Variants in ANKRD26 observed in about 807,000 individuals in gnomAD.
ANKRD26 encodes ankyrin repeat domain 26, also known as ankyrin repeat domain-containing protein 26.
A neutral mutation model predicts 208.7 loss-of-function variants in ANKRD26; 141 were observed. The ratio of observed to expected loss-of-function variants is 0.68; its 90% confidence interval spans 0.59 to 0.78. ANKRD26 has a LOEUF of 0.78. Among genes scored for constraint, ANKRD26 ranks in the 30% least tolerant of loss-of-function variants. ANKRD26 has a pLI of 0.00. For missense variants in ANKRD26, 1,889 were observed against 1,938.7 expected (o/e 0.97, Z 0.48); for synonymous variants, 636 against 660.4 (o/e 0.96, Z 0.57).
chr10:26,979,892 T>A (rs2052281948), intron 5 of ANKRD26, among the ~76,000 whole-genome samples: 2 of 151,674 alleles, frequency 1.3e-5, no homozygotes, highest in Non-Finnish European at 2.9e-5. Context: ...GAGAAGTTAA[T>A]TGCTTTAACT....
chr10:26,952,718 A>G, the ANKRD26 span, among the ~76,000 whole-genome samples: 2 of 152,210 alleles, frequency 1.3e-5, no homozygotes, highest in African/African-American at 2.4e-5. Context: ...GACTTCCAAC[A>G]TTACTGTATA....
chr10:27,089,345 GC>G (rs773413282), intron 4 of ANKRD26, among the ~76,000 whole-genome samples: 1 of 152,198 alleles, frequency 6.6e-6, no homozygotes. Flanking sequence ...AAGATTATCT[GC>G]CAAACTGGAC....
chr10:26,984,224 T>C (rs1383064920), intron 3 of ANKRD26, among the ~76,000 whole-genome samples: 1 of 152,174 alleles, frequency 6.6e-6, no homozygotes, highest in Non-Finnish European at 1.5e-5. Context: ...TAATGGCTAA[T>C]ACACAATAAA....
At chr10:27,081,012 G>A (rs34905025) in intron 6 of ANKRD26, 78,850 of 958,150 alleles carry the variant, frequency 0.082, 3,662 homozygotes, top group East Asian at 0.29. Flanking sequence ...CAAAGTACTT[G>A]AGGGGCTCAA....
chr10:27,023,649 CG>C (rs759330287), intron 28 of ANKRD26, among the ~76,000 whole-genome samples: 25 of 151,920 alleles, frequency 1.6e-4, no homozygotes, highest in Non-Finnish European at 3.4e-4. Context: ...ACTAGCACAA[CG>C]TTAACAAAGT....
At chr10:26,956,062 T>C in the ANKRD26 span, among the ~76,000 whole-genome samples, 1 of 152,222 alleles carries the variant, frequency 6.6e-6, no homozygotes, top group African/African-American at 2.4e-5. Flanking sequence ...ATGTCATTCT[T>C]AGAAATCACA....
chr10:26,951,289 G>A, the ANKRD26 span, among the ~76,000 whole-genome samples: 7 of 151,792 alleles, frequency 4.6e-5, no homozygotes, highest in African/African-American at 1.2e-4. Context: ...TGTACTTTGT[G>A]TAATCACTCA....
At chr10:26,963,902 G>GTTTTTTTTTTTTTTTTTTTTTT in the ANKRD26 span, among the ~76,000 whole-genome samples, 3 of 66,972 alleles carry the variant, frequency 4.5e-5, 1 homozygote, top group Non-Finnish European at 8.9e-5. Flanking sequence ...ATGGTTGGTT[G>GTTTTTTTTTTTTTTTTTTTTTT]GTTTTTTTTT....
At chr10:27,037,818 A>G (rs1173429666) in intron 22 of ANKRD26, 53 bp downstream of exon 22, 2 of 1,357,786 alleles carry the variant, frequency 1.5e-6, no homozygotes, top group Non-Finnish European at 2.0e-6. Context: ...GGATGTGATA[A>G]TAGTGATGAA....
At position 26,977,424 on chromosome 10, in the gene ANKRD26, T is replaced by C. The variant is rs962146815; in HGVS notation, c.*282-1382A>G. ...TCATGGAGCCAGGGATAAACCTTTT[T>C]ATATCGGCTTCTCAGGGATTTGTGG... On this transcript the variant is annotated intron_variant and NMD_transcript_variant, in intron 5 of 5. Transcript: ENST00000674670. 2.0e-5 allele frequency among the ~76,000 whole-genome samples: 3 copies of C among 152,244 alleles called. 1 individual carries two copies. The highest frequency in any genetic ancestry group is 4.4e-5 in the Non-Finnish European group (3 of 68,044).
chr10:27,071,737 T>TA (rs2055507810), intron 9 of ANKRD26, among the ~76,000 whole-genome samples: 1 of 152,098 alleles, frequency 6.6e-6, no homozygotes, highest in Admixed American at 6.5e-5. Context: ...CGTGAGCCTC[T>TA]AGAGTGTGAA....
intron 25 of ANKRD26, among the ~76,000 whole-genome samples, chr10:27,032,402 A>AG (rs1366109837): frequency 1.3e-5 from 2 of 152,202 alleles, no homozygotes; most frequent in South Asian, 2.1e-4. Flanking sequence ...TGGGAGGCCG[A>AG]GGGGGGTGGA....
chr10:26,994,975 G>T, intron 5 of ANKRD26: 1 of 449,126 alleles, frequency 2.2e-6, no homozygotes. Flanking sequence ...CTCTAATAAG[G>T]AAATCACAGC....
In ANKRD26 at chr10:27,028,965, A is replaced by G. The variant is rs554849202; in HGVS notation, c.3879-20T>C. 1 of 1,560,360 alleles carries G rather than the reference A, an allele frequency of 6.4e-7. No homozygotes were observed. Among genetic ancestry groups the G allele is most frequent in the Non-Finnish European group, 8.8e-7 (1 of 1,138,724 alleles). On this transcript the variant is annotated intron_variant, in intron 26 of 33. Transcript: ENST00000376087. Reference sequence around the variant, plus strand: ...TCAAGCCTGAAATGTATATTTTAAAATAATTATTCTCACAGATAAATTTTT... The same window carrying G: ...TCAAGCCTGAAATGTATATTTTAAAGTAATTATTCTCACAGATAAATTTTT...
chr10:27,072,987 C>T lies in ANKRD26; in HGVS notation c.1077+4351G>A, dbSNP rs1043241139. 2.0e-5 allele frequency among the ~76,000 whole-genome samples: 3 copies of T among 152,190 alleles called. No individual in the cohort carries two copies. In the East Asian group the frequency reaches 5.8e-4, roughly 29 times the overall value. Reference sequence around the variant, plus strand: ...CCCTTGCAGACATTCCCCAGCACCACCCTGGAGTATGGCAGCCCACTGGGT... The same window carrying T: ...CCCTTGCAGACATTCCCCAGCACCATCCTGGAGTATGGCAGCCCACTGGGT... On this transcript the variant is annotated intron_variant, in intron 9 of 33. Coordinates refer to ENST00000376087, the MANE Select transcript of ANKRD26 (RefSeq NM_014915.3).
intron 3 of ANKRD26, among the ~76,000 whole-genome samples, chr10:26,986,572 C>T (rs1206118913): frequency 3.3e-5 from 5 of 152,110 alleles, no homozygotes; most frequent in African/African-American, 1.2e-4. Context: ...TGAACTCAAA[C>T]AAATTTACAA....
At chr10:27,099,680 G>A (rs2056585402) in intron 1 of ANKRD26, among the ~76,000 whole-genome samples, 1 of 152,150 alleles carries the variant, frequency 6.6e-6, no homozygotes, top group Admixed American at 6.5e-5. Context: ...CGCGCCTGAC[G>A]AATAACAGAT....
chr10:27,053,486 T>G, intron 15 of ANKRD26, 96 bp from the exon 16 acceptor site: 9 of 876,084 alleles, frequency 1.0e-5, no homozygotes, highest in Non-Finnish European at 1.5e-5. Context: ...TTTATTTTAT[T>G]TTATAAATCG....
chr10:27,034,456 T>C (rs2053977774), intron 24 of ANKRD26, among the ~76,000 whole-genome samples: 1 of 152,202 alleles, frequency 6.6e-6, no homozygotes, highest in Admixed American at 6.5e-5. Context: ...ATCTGTTTCA[T>C]GGTGGCAGAC....
Sources: gnomAD v4.1 joint callset for allele counts (sites outside exome capture counted in the v4.1 genomes callset) on GRCh38, gnomAD v4.1.1 for gene constraint, MANE v1.5 for transcripts, NCBI Gene and HGNC (gene_info 2026-07-23, HGNC 2026-07-21) for gene names.